NXPH2: variants seen among roughly 807,000 people sequenced by gnomAD.
NXPH2 encodes neurexophilin-2.
A neutral mutation model predicts 19.8 loss-of-function variants in NXPH2; 5 were observed. The ratio of observed to expected loss-of-function variants is 0.25; its 90% CI spans 0.13 to 0.53. The LOEUF is 0.53. NXPH2 is among the 20% of genes least tolerant of loss of function. The pLI is 0.96. For synonymous variants in NXPH2, 154 were observed against 127.4 expected, an observed-to-expected ratio of 1.21 and a Z score of -1.41; for missense variants, 289 against 322.8, an observed-to-expected ratio of 0.90 and a Z score of 0.80.
chr2:138,761,174 G>A (rs962416000), intron 1 of NXPH2, among the ~76,000 whole-genome samples: 1 of 152,102 alleles, frequency 6.6e-6, no homozygotes, highest in Non-Finnish European at 1.5e-5. Context: ...ATCTTCACTT[G>A]AGCATATCCA....
chr2:138,752,021 C>A (rs1297468778), intron 1 of NXPH2, among the ~76,000 whole-genome samples: 1 of 151,752 alleles, frequency 6.6e-6, no homozygotes, highest in Non-Finnish European at 1.5e-5. Context: ...AAATAGAGGC[C>A]CAAAAGGATA....
At position 138,684,534 on chromosome 2, in the gene NXPH2, A is replaced by G. The variant is rs139584300; in HGVS notation, c.52-12869T>C. Among the ~76,000 whole-genome samples, 574 of 152,334 alleles carry G rather than the reference A, an allele frequency of 3.8e-3. 3 individuals are homozygous for G. The highest frequency in any genetic ancestry group is 0.013 in the African/African-American group (525 of 41,580). The stretch of plus-strand genomic sequence containing the variant: ...TATATAATCTTTATTTTTAAGAACA[A>G]TATACAGTATTTAGTTGCATAATAG... On this transcript the variant is annotated intron_variant, in intron 1 of 1. Coordinates refer to ENST00000272641, the MANE Select transcript of NXPH2 (RefSeq NM_007226.3).
chr2:138,751,200 C>G (rs1483638225), intron 1 of NXPH2, among the ~76,000 whole-genome samples: 1 of 152,096 alleles, frequency 6.6e-6, no homozygotes, highest in Non-Finnish European at 1.5e-5. Context: ...ACAGAAGGTA[C>G]TTGGCAAAAA....
intron 1 of NXPH2, among the ~76,000 whole-genome samples, chr2:138,700,600 G>A (rs1014723959): frequency 1.3e-5 from 2 of 152,100 alleles, no homozygotes; most frequent in African/African-American, 4.8e-5. Flanking sequence ...ATGAGAATTT[G>A]TTATGGCTCT....
intron 1 of NXPH2, among the ~76,000 whole-genome samples, chr2:138,691,305 C>G (rs902193929): frequency 1.3e-5 from 2 of 152,186 alleles, no homozygotes; most frequent in Admixed American, 6.5e-5. Context: ...GAAGTCTCCA[C>G]ATACCCAGTT....
At chr2:138,737,367 C>A (rs116402378) in intron 1 of NXPH2, among the ~76,000 whole-genome samples, 1 of 152,124 alleles carries the variant, frequency 6.6e-6, no homozygotes, top group South Asian at 2.1e-4. Flanking sequence ...GAGAGCCAAG[C>A]GAAAGGAGTT....
intron 1 of NXPH2, among the ~76,000 whole-genome samples, chr2:138,750,299 G>C (rs2104833190): frequency 6.6e-6 from 1 of 152,222 alleles, no homozygotes; most frequent in Middle Eastern, 3.4e-3. Flanking sequence ...CTCTCATGAA[G>C]TAAATAGAGT....
rs76666648 is a variant in NXPH2 at position 138,718,950 on chromosome 2, T to G, written c.52-47285A>C. Among the ~76,000 whole-genome samples the G allele has an allele frequency of 8.8e-3, 1,333 of 152,112 alleles. 19 individuals are homozygous for G. Among genetic ancestry groups the G allele is most frequent in the African/African-American group, 0.031 (1,286 of 41,500 alleles). Reference sequence around the variant, plus strand: ...TCTAAATCTGGAAGTCAATAGCTACTTGCTAAAGTTGGGGGGTGGGGGAGG... The same window carrying G: ...TCTAAATCTGGAAGTCAATAGCTACGTGCTAAAGTTGGGGGGTGGGGGAGG... On this transcript the variant is annotated intron_variant, in intron 1 of 1. Transcript: ENST00000272641.
intron 1 of NXPH2, among the ~76,000 whole-genome samples, chr2:138,752,372 C>G (rs113881151): frequency 5.1e-4 from 77 of 152,228 alleles, no homozygotes; most frequent in African/African-American, 1.8e-3. Context: ...TTATCTGATG[C>G]CTTTAGGTCT....
intron 1 of NXPH2, among the ~76,000 whole-genome samples, chr2:138,736,958 C>T (rs745668916): frequency 4.8e-4 from 73 of 152,220 alleles, no homozygotes; most frequent in Admixed American, 8.5e-4. Flanking sequence ...ACAAGTTCCT[C>T]ATTTTCATCT....
intron 1 of NXPH2, among the ~76,000 whole-genome samples, chr2:138,742,791 G>A (rs1681665220): frequency 6.6e-6 from 1 of 152,188 alleles, no homozygotes; most frequent in Non-Finnish European, 1.5e-5. Context: ...GTTTTGCAAA[G>A]TCAACAAAGT....
chr2:138,780,294 C>T lies in NXPH2; in HGVS notation c.-53G>A. On this transcript the variant is annotated 5_prime_UTR_variant, in exon 1 of 2. Coordinates refer to ENST00000272641, the MANE Select transcript of NXPH2 (RefSeq NM_007226.3). ...GCTGCGCGCCCTCGCCTGCCTCTCG[C>T]GCATCTCCACTTCGCGGGGCAGGAC... 7.3e-7 allele frequency: 1 copy of T among 1,374,708 alleles called. No individual in the cohort carries two copies. Among genetic ancestry groups the T allele is most frequent in the South Asian group, 1.6e-5 (1 of 62,566 alleles). The allele number at this position is 1,374,708 out of a possible 1,614,324, so 85.2% of individuals were successfully genotyped here. A position where few individuals can be genotyped will look rare whatever the true frequency, so the allele number is the denominator to read the frequency against.
chr2:138,724,504 C>T lies in NXPH2; in HGVS notation c.52-52839G>A, dbSNP rs192872726. 3.9e-3 allele frequency among the ~76,000 whole-genome samples: 591 copies of T among 152,256 alleles called. 4 individuals carry two copies. The highest frequency in any genetic ancestry group is 4.6e-3 in the Non-Finnish European group (312 of 68,020). ...TACAAACAATGCAAATAGCCTAATCCCTTTGTGGGGCAGAGCTCAACAGGT... is the reference window on the plus strand; with the variant it reads ...TACAAACAATGCAAATAGCCTAATCTCTTTGTGGGGCAGAGCTCAACAGGT... On this transcript the variant is annotated intron_variant, in intron 1 of 1. Transcript: ENST00000272641.
At chr2:138,697,430 A>C (rs1324360731) in intron 1 of NXPH2, among the ~76,000 whole-genome samples, 1 of 152,132 alleles carries the variant, frequency 6.6e-6, no homozygotes, top group Non-Finnish European at 1.5e-5. Context: ...AATGGTAAGA[A>C]TATACATTTA....
intron 1 of NXPH2, among the ~76,000 whole-genome samples, chr2:138,723,475 T>C (rs1437612522): frequency 6.6e-6 from 1 of 152,172 alleles, no homozygotes; most frequent in Non-Finnish European, 1.5e-5. Context: ...CTGAGTGAAG[T>C]TTTTATGTTA....
At chr2:138,723,201 A>T (rs76451292) in intron 1 of NXPH2, among the ~76,000 whole-genome samples, 5 of 152,294 alleles carry the variant, frequency 3.3e-5, no homozygotes, top group African/African-American at 1.2e-4. Context: ...AACTGGGTCC[A>T]TTTCTCAAAG....
At chr2:138,755,195 C>A (rs534526839) in intron 1 of NXPH2, among the ~76,000 whole-genome samples, 2 of 151,938 alleles carry the variant, frequency 1.3e-5, no homozygotes, top group African/African-American at 2.4e-5. Flanking sequence ...TTTTTAATTA[C>A]AATAAGGTTC....
intron 1 of NXPH2, among the ~76,000 whole-genome samples, chr2:138,707,921 C>T (rs911599671): frequency 1.3e-5 from 2 of 152,122 alleles, no homozygotes; most frequent in African/African-American, 4.8e-5. Flanking sequence ...TGTGTCTGCC[C>T]TTTTAAAATC....
At chr2:138,699,467 G>T (rs1420931999) in intron 1 of NXPH2, among the ~76,000 whole-genome samples, 6 of 152,116 alleles carry the variant, frequency 3.9e-5, no homozygotes, top group Admixed American at 3.3e-4. Flanking sequence ...CCTTAACAGA[G>T]TAGGGGGAGA....
Sources: gnomAD v4.1 joint callset for allele counts (sites outside exome capture counted in the v4.1 genomes callset) on GRCh38, gnomAD v4.1.1 for gene constraint, MANE v1.5 for transcripts, NCBI Gene and HGNC (gene_info 2026-07-23, HGNC 2026-07-21) for gene names.